Variants in FSTL4 observed in about 807,000 individuals in gnomAD.
FSTL4 encodes follistatin like 4, also known as follistatin-related protein 4.
A neutral mutation model predicts 78.2 loss-of-function variants in FSTL4; 28 were observed. The observed-to-expected ratio is 0.36, with a 90% CI of 0.27 to 0.49. The LOEUF is 0.49. Among genes scored for constraint, FSTL4 ranks in the 20% least tolerant of loss-of-function variants. FSTL4 has a pLI of 0.98. For synonymous variants in FSTL4, 422 were observed against 440.5 expected (o/e 0.96, Z 0.53); for missense variants, 922 against 1,084.9 (o/e 0.85, Z 2.11).
At chr5:133,820,411 C>T in the FSTL4 span, among the ~76,000 whole-genome samples, 1 of 152,186 alleles carries the variant, frequency 6.6e-6, no homozygotes, top group Admixed American at 6.5e-5. Flanking sequence ...CACATTCTTC[C>T]TGGTTACAAC....
At chr5:133,532,696 A>G (rs1397271209) in intron 3 of FSTL4, among the ~76,000 whole-genome samples, 1 of 152,196 alleles carries the variant, frequency 6.6e-6, no homozygotes, top group Admixed American at 6.5e-5. Context: ...CACGGTAAAC[A>G]TACGCTGGAT....
the FSTL4 span, among the ~76,000 whole-genome samples, chr5:133,654,405 G>A: frequency 1.2e-4 from 19 of 152,288 alleles, no homozygotes; most frequent in East Asian, 1.3e-3. Context: ...GATTCTAAGC[G>A]CAGAAGGTAA....
chr5:133,574,777 T>C (rs2112951660), intron 2 of FSTL4: 1 of 152,366 alleles, frequency 6.6e-6, no homozygotes, highest in African/African-American at 2.4e-5. Flanking sequence ...TGTGATAATG[T>C]AGCTGAATCT....
the FSTL4 span, among the ~76,000 whole-genome samples, chr5:133,663,803 G>A: frequency 1.6e-3 from 239 of 152,334 alleles, no homozygotes; most frequent in African/African-American, 5.6e-3. Context: ...TGTAAGCTGC[G>A]GGGTCCTCAG....
chr5:133,698,584 T>C, the FSTL4 span, among the ~76,000 whole-genome samples: 2 of 152,272 alleles, frequency 1.3e-5, no homozygotes, highest in South Asian at 2.1e-4. Context: ...CATGCGATAA[T>C]GCGTGACCAT....
At chr5:133,697,030 G>A in the FSTL4 span, among the ~76,000 whole-genome samples, 17 of 152,326 alleles carry the variant, frequency 1.1e-4, no homozygotes, top group Admixed American at 9.2e-4. Flanking sequence ...GAAACACAGG[G>A]CGATTAGGAG....
chr5:133,605,695 T>G (rs1760962394), intron 1 of FSTL4, among the ~76,000 whole-genome samples: 2 of 152,214 alleles, frequency 1.3e-5, no homozygotes, highest in African/African-American at 4.8e-5. Context: ...AAGGCAAGGT[T>G]ATAAGGCATG....
At chr5:133,341,634 G>T (rs1444426425) in intron 4 of FSTL4, among the ~76,000 whole-genome samples, 2 of 152,024 alleles carry the variant, frequency 1.3e-5, no homozygotes, top group South Asian at 2.1e-4. Flanking sequence ...TAACTCCAGG[G>T]CCTGTCACCT....
At chr5:133,209,520 A>G (rs1394339226) in intron 14 of FSTL4, among the ~76,000 whole-genome samples, 1 of 152,182 alleles carries the variant, frequency 6.6e-6, no homozygotes, top group Non-Finnish European at 1.5e-5. Flanking sequence ...TGGGCATTCA[A>G]ATCACTTTAC....
the FSTL4 span, among the ~76,000 whole-genome samples, chr5:133,654,993 C>T: frequency 5.9e-5 from 9 of 152,232 alleles, no homozygotes; most frequent in Non-Finnish European, 1.2e-4. Flanking sequence ...CCCCATCTTA[C>T]TCCTAAGCTG....
intron 3 of FSTL4, among the ~76,000 whole-genome samples, chr5:133,456,145 G>A (rs1315042648): frequency 1.3e-5 from 2 of 152,280 alleles, no homozygotes; most frequent in East Asian, 3.9e-4. Flanking sequence ...GGTTATATTA[G>A]GACCCCAGGG....
chr5:133,288,795 A>G (rs889534422), intron 6 of FSTL4, among the ~76,000 whole-genome samples: 2 of 152,074 alleles, frequency 1.3e-5, no homozygotes, highest in African/African-American at 4.8e-5. Flanking sequence ...GGACAGCTGG[A>G]CAGCGCTGGA....
At chr5:133,352,337 T>TA (rs1448921425) in intron 4 of FSTL4, among the ~76,000 whole-genome samples, 3 of 129,898 alleles carry the variant, frequency 2.3e-5, no homozygotes, top group African/African-American at 9.6e-5. Context: ...CACACATATA[T>TA]ATATACACAT....
intron 7 of FSTL4, chr5:133,243,820 C>G (rs372914056): frequency 6.6e-6 from 1 of 152,404 alleles, no homozygotes; most frequent in East Asian, 1.9e-4. Context: ...TTGAGATGCC[C>G]TGTCCCTGTT....
chr5:133,746,742 C>G, the FSTL4 span, among the ~76,000 whole-genome samples: 165 of 152,142 alleles, frequency 1.1e-3, no homozygotes, highest in African/African-American at 3.8e-3. Flanking sequence ...ACCAAGAAAG[C>G]AAAGAGAAAC....
rs1372407820 is a variant in FSTL4 at position 133,437,021 on chromosome 5, G to A, written c.161-36035C>T. On this transcript the variant is annotated intron_variant, in intron 3 of 15. Transcript: ENST00000265342. ...GATGGATTGGATTGAGTTGCTACAG[G>A]AGAAAGAGGTGACAAAGATGGCTCA... Among the ~76,000 whole-genome samples, 4 of 152,350 alleles carry A rather than the reference G, an allele frequency of 2.6e-5. No individual in the cohort carries two copies. In the South Asian group the frequency reaches 6.2e-4, roughly 24 times the overall value.
At chr5:133,331,059 C>T (rs1197666034) in intron 4 of FSTL4, among the ~76,000 whole-genome samples, 1 of 152,128 alleles carries the variant, frequency 6.6e-6, no homozygotes, top group Non-Finnish European at 1.5e-5. Flanking sequence ...GAAGGCAGCC[C>T]ACAGCAGCCC....
At chr5:133,260,414 C>T (rs181500333) in intron 6 of FSTL4, among the ~76,000 whole-genome samples, 14 of 152,346 alleles carry the variant, frequency 9.2e-5, no homozygotes, top group Admixed American at 2.6e-4. Context: ...CCATTTTGAA[C>T]GGTTTACATC....
intron 3 of FSTL4, among the ~76,000 whole-genome samples, chr5:133,485,719 C>T (rs1413140920): frequency 6.6e-6 from 1 of 152,196 alleles, no homozygotes; most frequent in African/African-American, 2.4e-5. Context: ...TCGGCAAGCA[C>T]TCTGGCCCTG....
Sources: gnomAD v4.1 joint callset for allele counts (sites outside exome capture counted in the v4.1 genomes callset) on GRCh38, gnomAD v4.1.1 for gene constraint, MANE v1.5 for transcripts, NCBI Gene and HGNC (gene_info 2026-07-23, HGNC 2026-07-21) for gene names.